Variants in MALRD1 observed in about 807,000 individuals in gnomAD.
MALRD1 encodes the protein MAM and LDL-receptor class A domain-containing protein 1.
In MALRD1, 247 loss-of-function variants were observed where a neutral mutation model predicts 242.1. That is an observed-to-expected ratio of 1.02 (90% CI 0.92 to 1.13). The LOEUF is 1.13. MALRD1 is among the 50% of genes most tolerant of loss of function. The pLI, the probability that MALRD1 is intolerant of heterozygous loss-of-function variation, is 0.00. For missense variants in MALRD1, 2,989 were observed against 2,533.1 expected (o/e 1.18, Z -3.86); for synonymous variants, 995 against 866.6 (o/e 1.15, Z -2.60).
chr10:19,241,413 T>G (rs1280238031), intron 18 of MALRD1, among the ~76,000 whole-genome samples: 3 of 152,132 alleles, frequency 2.0e-5, no homozygotes, highest in Non-Finnish European at 4.4e-5. Context: ...GGTGTATCAG[T>G]TGTAATGTCT....
At chr10:19,344,085 T>C (rs907716459) in intron 24 of MALRD1, among the ~76,000 whole-genome samples, 2 of 152,140 alleles carry the variant, frequency 1.3e-5, no homozygotes, top group Non-Finnish European at 2.9e-5. Flanking sequence ...GAATGGCAGA[T>C]ATTTTCTCCC....
At chr10:19,304,925 T>C (rs1198377472) in intron 21 of MALRD1, among the ~76,000 whole-genome samples, 1 of 151,746 alleles carries the variant, frequency 6.6e-6, no homozygotes, top group Non-Finnish European at 1.5e-5. Context: ...GAATTGGAGT[T>C]AATAGTACAG....
chr10:19,398,055 G>A lies in MALRD1; in HGVS notation c.4845+8446G>A, dbSNP rs185531593. On this transcript the variant is annotated intron_variant, in intron 28 of 39. Transcript: ENST00000454679. ...TTTTTTGAGTTCCTTATATATTCTG[G>A]ATATTATCCCTTTGTCAGATGTAGA... is the stretch of plus-strand genomic sequence containing the variant. Among the ~76,000 whole-genome samples, 287 of 151,878 alleles carry A rather than the reference G, an allele frequency of 1.9e-3. 1 individual carries two copies. The highest frequency in any genetic ancestry group is 6.6e-3 in the African/African-American group (273 of 41,432).
intron 18 of MALRD1, among the ~76,000 whole-genome samples, chr10:19,253,144 TC>T (rs1404423378): frequency 6.6e-6 from 1 of 151,840 alleles, no homozygotes; most frequent in Non-Finnish European, 1.5e-5. Flanking sequence ...TATTGGAAAA[TC>T]CAATGAAAAA....
chr10:19,443,298 G>T (rs1834774955), intron 28 of MALRD1, among the ~76,000 whole-genome samples: 1 of 152,170 alleles, frequency 6.6e-6, no homozygotes, highest in East Asian at 1.9e-4. Context: ...TTTTTGAAGG[G>T]TTTTATTGTG....
intron 26 of MALRD1, among the ~76,000 whole-genome samples, chr10:19,382,003 G>GTATA (rs763000630): frequency 3.1e-4 from 47 of 152,174 alleles, no homozygotes; most frequent in Non-Finnish European, 6.0e-4. Flanking sequence ...ATTTGTATGT[G>GTATA]TATATATTCA....
chr10:19,131,721 T>TAA (rs552285725), intron 8 of MALRD1, among the ~76,000 whole-genome samples: 28 of 152,286 alleles, frequency 1.8e-4, no homozygotes, highest in African/African-American at 6.0e-4. Flanking sequence ...CTCTAAGAGA[T>TAA]AGAGTGTTAA....
intron 29 of MALRD1, among the ~76,000 whole-genome samples, chr10:19,468,432 A>G (rs1345940105): frequency 6.6e-6 from 1 of 152,162 alleles, no homozygotes; most frequent in Non-Finnish European, 1.5e-5. Context: ...GAAATTAATA[A>G]TTTTATCACT....
intron 31 of MALRD1, among the ~76,000 whole-genome samples, chr10:19,512,359 T>C (rs528863307): frequency 1.8e-4 from 28 of 152,332 alleles, no homozygotes; most frequent in African/African-American, 6.7e-4. Flanking sequence ...ATTGGTGCTT[T>C]CCAGGGAGAA....
intron 36 of MALRD1, among the ~76,000 whole-genome samples, chr10:19,668,698 G>A (rs949104188): frequency 6.6e-6 from 1 of 151,676 alleles, no homozygotes; most frequent in Admixed American, 6.6e-5. Flanking sequence ...AAGGGATTTA[G>A]GAAATTATAA....
intron 10 of MALRD1, among the ~76,000 whole-genome samples, chr10:19,145,653 TA>T (rs71507276): frequency 0.35 from 46,794 of 134,408 alleles, 7,711 homozygotes; most frequent in African/African-American, 0.39. Context: ...GACTCTGCCT[TA>T]AAAAAAAAAA....
intron 33 of MALRD1, among the ~76,000 whole-genome samples, chr10:19,576,782 A>C (rs1235753572): frequency 6.6e-6 from 1 of 152,200 alleles, no homozygotes; most frequent in Non-Finnish European, 1.5e-5. Flanking sequence ...TTTCAGGGGC[A>C]GAGCGAAAGC....
chr10:19,436,956 T>A (rs187923769), intron 28 of MALRD1, among the ~76,000 whole-genome samples: 1 of 152,298 alleles, frequency 6.6e-6, no homozygotes, highest in East Asian at 1.9e-4. Flanking sequence ...TGACAGTCAC[T>A]GATAGCTTTA....
chr10:19,471,653 C>G (rs1237971867), intron 29 of MALRD1, among the ~76,000 whole-genome samples: 1 of 103,502 alleles, frequency 9.7e-6, no homozygotes, highest in Admixed American at 1.1e-4. Context: ...ATATATTTCA[C>G]CTCTGCTTAA....
intron 30 of MALRD1, among the ~76,000 whole-genome samples, chr10:19,492,376 C>A (rs1489325711): frequency 6.6e-6 from 1 of 152,234 alleles, no homozygotes; most frequent in East Asian, 1.9e-4. Context: ...TGGTCTAGGC[C>A]ACTGTTACAT....
chr10:19,526,729 G>T (rs1834116313), intron 31 of MALRD1, among the ~76,000 whole-genome samples: 1 of 152,098 alleles, frequency 6.6e-6, no homozygotes, highest in Non-Finnish European at 1.5e-5. Context: ...GACATTGATT[G>T]TCCTGTGCCA....
chr10:19,333,879 G>T (rs936915440), intron 24 of MALRD1, among the ~76,000 whole-genome samples: 2 of 151,850 alleles, frequency 1.3e-5, no homozygotes, highest in Admixed American at 6.6e-5. Context: ...GTTTTGATTT[G>T]CATTTCTCTG....
At chr10:19,602,353 A>G (rs1412659424) in intron 34 of MALRD1, among the ~76,000 whole-genome samples, 2 of 78,818 alleles carry the variant, frequency 2.5e-5, no homozygotes, top group African/African-American at 1.2e-4. Context: ...CCCTCCCCCC[A>G]CCCTATGACA....
intron 29 of MALRD1, among the ~76,000 whole-genome samples, chr10:19,475,775 A>G (rs554214944): frequency 3.1e-4 from 47 of 152,298 alleles, no homozygotes; most frequent in Middle Eastern, 6.8e-3. Context: ...TTCTGCAGTG[A>G]CCTTTCTATG....
Sources: gnomAD v4.1 joint callset for allele counts (sites outside exome capture counted in the v4.1 genomes callset) on GRCh38, gnomAD v4.1.1 for gene constraint, MANE v1.5 for transcripts, NCBI Gene and HGNC (gene_info 2026-07-23, HGNC 2026-07-21) for gene names.